Variants in TRIM42 observed in about 807,000 individuals in gnomAD.
TRIM42 encodes the protein tripartite motif containing 42, also known as tripartite motif-containing protein 42.
TRIM42 carries 59 observed loss-of-function variants against 64.9 expected under a neutral mutation model. That is an observed-to-expected ratio of 0.91 (90% CI 0.74 to 1.13). The LOEUF (loss-of-function observed/expected upper bound fraction) is 1.13. Among genes scored for constraint, TRIM42 ranks in the 50% most tolerant of loss-of-function variants. The pLI, the probability that TRIM42 is intolerant of heterozygous loss-of-function variation, is 0.00. For missense variants in TRIM42, 878 were observed against 929.5 expected, an observed-to-expected ratio of 0.94 and a Z score of 0.72; for synonymous variants, 354 against 346.3, an observed-to-expected ratio of 1.02 and a Z score of -0.25.
chr3:140,682,978 C>T lies in TRIM42; in HGVS notation c.858C>T (p.Asp286=), dbSNP rs749484750. The change falls in exon 2 of 5, where the codon GAC becomes GAT. Residue 286 remains aspartate (D), a synonymous_variant. Transcript: ENST00000286349. ...VFVDTSAEEQ[D]EKICIHHPSS... ...TGGACACCAGCGCCGAGGAACAGGA[C>T]GAGAAGATCTGCATCCACCACCCAT... 15 of 1,614,070 alleles carry T rather than the reference C, an allele frequency of 9.3e-6. No individual in the cohort carries two copies. Among genetic ancestry groups the T allele is most frequent in the East Asian group, 4.5e-5 (2 of 44,898 alleles).
At chr3:140,690,818 T>C in intron 3 of TRIM42, 150 bp from the exon 4 acceptor site, 1 of 625,666 alleles carries the variant, frequency 1.6e-6, no homozygotes, top group South Asian at 1.9e-5. Context: ...CCAAGACTTG[T>C]GCATGGTCTA....
intron 4 of TRIM42, among the ~76,000 whole-genome samples, chr3:140,692,755 C>T (rs1988755857): frequency 1.3e-5 from 2 of 152,182 alleles, no homozygotes. Flanking sequence ...CCCACATCCG[C>T]ATGTCTCTTG....
At chr3:140,681,824 TC>T (rs1988402120) in intron 1 of TRIM42, among the ~76,000 whole-genome samples, 1 of 150,398 alleles carries the variant, frequency 6.6e-6, no homozygotes, top group Non-Finnish European at 1.5e-5. Flanking sequence ...TCTTAATAAA[TC>T]TTATCTAGAA....
intron 1 of TRIM42, among the ~76,000 whole-genome samples, chr3:140,681,502 C>T (rs1428575726): frequency 6.6e-6 from 1 of 152,152 alleles, no homozygotes; most frequent in Non-Finnish European, 1.5e-5. Context: ...CATTTTTTAT[C>T]ACATGCATTC....
intron 1 of TRIM42, 143 bp from the exon 2 acceptor site, chr3:140,682,319 C>A: frequency 2.7e-6 from 2 of 740,350 alleles, no homozygotes; most frequent in Non-Finnish European, 2.2e-6. Flanking sequence ...AGATTGAGAA[C>A]GCAGGCACCT....
Position 140,678,357 on chromosome 3 carries a change from C to T in TRIM42, c.128C>T (p.Pro43Leu), listed in dbSNP as rs1576413446. The T allele has an allele frequency of 6.2e-7, 1 of 1,614,230 alleles. No homozygotes were observed. The highest frequency in any genetic ancestry group is 2.2e-5 in the East Asian group (1 of 44,888). Residue 43 changes from proline (P) to leucine (L), a missense_variant, in exon 1 of 5, where the codon CCT (proline) becomes CTT (leucine). Coordinates refer to ENST00000286349, the MANE Select transcript of TRIM42 (RefSeq NM_152616.5). ...CGGAACTGCACCTGCTTCCCCTGCCCTTACAAAGATGAGCGGAACTGCCAG... is the reference window on the plus strand; with the variant it reads ...CGGAACTGCACCTGCTTCCCCTGCCTTTACAAAGATGAGCGGAACTGCCAG... ...SERNCTCFPC[P>L]YKDERNCQFC...
chr3:140,691,981 A>G (rs1157356390), intron 4 of TRIM42, among the ~76,000 whole-genome samples: 4 of 152,190 alleles, frequency 2.6e-5, no homozygotes, highest in African/African-American at 7.2e-5. Context: ...GAAGAAGAAA[A>G]AAAAAAAGTC....
At chr3:140,684,828 C>A (rs895288713) in intron 2 of TRIM42, among the ~76,000 whole-genome samples, 1 of 152,148 alleles carries the variant, frequency 6.6e-6, no homozygotes, top group Admixed American at 6.5e-5. Context: ...TCTTTGGGTC[C>A]TCAGCATGGT....
chr3:140,679,044 C>G (rs142837338), intron 1 of TRIM42, among the ~76,000 whole-genome samples: 1 of 132,034 alleles, frequency 7.6e-6, no homozygotes, highest in African/African-American at 2.6e-5. Context: ...TATTGCAAAA[C>G]GGAGACAATA....
chr3:140,689,273 G>GA (rs557713493), intron 3 of TRIM42, among the ~76,000 whole-genome samples: 17 of 152,254 alleles, frequency 1.1e-4, no homozygotes, highest in Non-Finnish European at 2.1e-4. Flanking sequence ...GTTTATGGAG[G>GA]AAAAAAATTA....
intron 4 of TRIM42, among the ~76,000 whole-genome samples, chr3:140,694,948 C>T (rs1988811851): frequency 6.6e-6 from 1 of 152,118 alleles, no homozygotes; most frequent in Non-Finnish European, 1.5e-5. Context: ...AGTCTCCCTA[C>T]CTGAAGACCA....
chr3:140,697,717 T>C (rs1269951141), intron 4 of TRIM42, among the ~76,000 whole-genome samples: 3 of 152,244 alleles, frequency 2.0e-5, no homozygotes, highest in Admixed American at 6.5e-5. Context: ...GGAGTCTCGC[T>C]CTGTCGCCCA....
Position 140,688,534 on chromosome 3 carries a change from G to A in TRIM42, c.1852G>A (p.Ala618Thr). The stretch of plus-strand genomic sequence containing the variant: ...CTACCAGACTCTGGTGTACCCAAGA[G>A]CTGCCAAGGTAAGAAAGGTTCTGGG... ...VIYQTLVYPRAAKVYWTCPAE... is the reference protein window; with the variant it reads ...VIYQTLVYPRTAKVYWTCPAE... The change falls in exon 3 of 5, where the codon GCT (alanine) becomes ACT (threonine). Residue 618 changes from alanine to threonine, a missense_variant. Ala to Thr is a moderately conservative substitution (Grantham distance 58). Transcript: ENST00000286349. 9 of 1,606,976 alleles carry A rather than the reference G, an allele frequency of 5.6e-6. No homozygotes were observed. Among genetic ancestry groups the A allele is most frequent in the Non-Finnish European group, 6.8e-6 (8 of 1,176,118 alleles).
chr3:140,678,631 C>CA, intron 1 of TRIM42, 61 bp downstream of exon 1: 2 of 1,436,804 alleles, frequency 1.4e-6, no homozygotes, highest in Non-Finnish European at 1.9e-6. Flanking sequence ...GACCACTTGC[C>CA]AGCTGTGAAG....
At chr3:140,684,399 C>G (rs1238327250) in intron 2 of TRIM42, among the ~76,000 whole-genome samples, 1 of 152,134 alleles carries the variant, frequency 6.6e-6, no homozygotes, top group Admixed American at 6.5e-5. Flanking sequence ...AAGGAGTGGC[C>G]TACAGTCAGT....
intron 4 of TRIM42, among the ~76,000 whole-genome samples, chr3:140,700,274 C>T (rs529764304): frequency 5.9e-5 from 9 of 152,116 alleles, no homozygotes; most frequent in Non-Finnish European, 8.8e-5. Flanking sequence ...TAGCACTGGC[C>T]ATTCACTGTA....
chr3:140,679,860 T>C (rs1988320075), intron 1 of TRIM42, among the ~76,000 whole-genome samples: 1 of 151,998 alleles, frequency 6.6e-6, no homozygotes, highest in South Asian at 2.1e-4. Flanking sequence ...TCTTTTAAAA[T>C]TACTGATGCC....
intron 2 of TRIM42, among the ~76,000 whole-genome samples, chr3:140,684,845 A>G (rs966742659): frequency 6.6e-6 from 1 of 152,152 alleles, no homozygotes; most frequent in Non-Finnish European, 1.5e-5. Flanking sequence ...TGGTGAAGGC[A>G]CTGCCGCCTA....
At chr3:140,693,674 T>C (rs1443437012) in intron 4 of TRIM42, among the ~76,000 whole-genome samples, 2 of 152,244 alleles carry the variant, frequency 1.3e-5, no homozygotes, top group Non-Finnish European at 2.9e-5. Flanking sequence ...CTTAAAATGT[T>C]GCAATGAGGC....
Sources: allele counts gnomAD v4.1 joint callset (sites outside exome capture counted in the v4.1 genomes callset), GRCh38; gene constraint gnomAD v4.1.1; transcripts MANE v1.5; gene names NCBI Gene and HGNC (gene_info 2026-07-23, HGNC 2026-07-21).